Variants in KLHL34 observed in about 807,000 individuals in gnomAD.
KLHL34 encodes kelch-like protein 34.
KLHL34 carries 24 observed loss-of-function variants against 23.8 expected under a neutral mutation model. That is an observed-to-expected ratio of 1.01 (90% CI 0.73 to 1.42). KLHL34 has a LOEUF of 1.42. Among genes scored for constraint, KLHL34 ranks in the 40% most tolerant of loss-of-function variants. KLHL34 has a pLI of 0.00. For synonymous variants in KLHL34, 303 were observed against 287.9 expected (o/e 1.05, Z -0.53); for missense variants, 652 against 595.1 (o/e 1.10, Z -0.99).
At position 21,656,711 on chromosome X, in the gene KLHL34, T is replaced by A. The variant is rs2092733530; in HGVS notation, c.1078A>T (p.Ser360Cys). 1.7e-6 allele frequency: 2 copies of A among 1,206,879 alleles called. No individual in the cohort carries two copies. Among genetic ancestry groups the A allele is most frequent in the African/African-American group, 3.5e-5 (2 of 57,499 alleles). The change falls in exon 1 of 1, where the codon AGC (serine) becomes TGC (cysteine). Residue 360 changes from serine (S) to cysteine (C), a missense_variant. Ser to Cys is a moderately radical substitution (Grantham distance 112). Transcript: ENST00000379499. ...AGGAAGTTGCCCGCGGTGCACACGCTGTGCCCCAGCAGTGGTGTGGGTAGC... is the reference window on the plus strand; with the variant it reads ...AGGAAGTTGCCCGCGGTGCACACGCAGTGCCCCAGCAGTGGTGTGGGTAGC... ...TQLPTPLLGH[S>C]VCTAGNFLFV...
At position 21,656,030 on chromosome X, in the gene KLHL34, C is replaced by A; in HGVS notation, c.1759G>T (p.Val587Leu). 8.3e-7 allele frequency: 1 copy of A among 1,202,357 alleles called. No homozygotes were observed. The highest frequency in any genetic ancestry group is 1.1e-6 in the Non-Finnish European group (1 of 890,129). The change falls in exon 1 of 1, where the codon GTG (valine) becomes TTG (leucine). Residue 587 changes from valine to leucine, a missense_variant. Transcript: ENST00000379499. Reference sequence around the variant, plus strand: ...TAGCCCACTACGTTGCGGGTAGGCACCTGGCGCGAGTCCCGCCACTTGAGG... The same window carrying A: ...TAGCCCACTACGTTGCGGGTAGGCAACTGGCGCGAGTCCCGCCACTTGAGG... ...GGLKWRDSRQ[V>L]PTRNVVGYDL...
Position 21,655,597 on chromosome X carries a change from C to G in KLHL34, c.*257G>C, listed in dbSNP as rs1045704637. 9.6e-6 allele frequency: 3 copies of G among 311,223 alleles called. No homozygotes were observed. The highest frequency in any genetic ancestry group is 1.2e-4 in the Admixed American group (2 of 17,174). 25.6% of individuals were successfully genotyped at this position (311,223 alleles called of 1,213,427 possible). A position where few individuals can be genotyped will look rare whatever the true frequency, so the allele number is the denominator to read the frequency against. ...AAGTCCTTCTCTAGCCTTGCGTGAG[C>G]CTTTCTAAAAATTTTCTTTCACCAG... On this transcript the variant is annotated 3_prime_UTR_variant, in exon 1 of 1. Transcript: ENST00000379499.
In KLHL34 at chrX:21,656,191, C is replaced by T. The variant is rs780891644; in HGVS notation, c.1598G>A (p.Gly533Glu). The part of the protein sequence containing the change: ...VLRGAVFAFL[G>E]RYEPFSEIER... Reference sequence around the variant, plus strand: ...GATCTCAGAGAAGGGCTCGTATCGCCCCAGAAAAGCAAACACAGCGCCGCG... The same window carrying T: ...GATCTCAGAGAAGGGCTCGTATCGCTCCAGAAAAGCAAACACAGCGCCGCG... The change falls in exon 1 of 1, where the codon GGG becomes GAG. Residue 533 changes from glycine (G) to glutamate (E), a missense_variant. By Grantham distance (98) the Gly-to-Glu change is moderately conservative. Coordinates refer to ENST00000379499, the MANE Select transcript of KLHL34 (RefSeq NM_153270.3). 4.2e-6 allele frequency: 5 copies of T among 1,177,403 alleles called. No individual in the cohort carries two copies. The South Asian group carries it at 9.6e-5, about 23-fold the overall frequency.
chrX:21,657,268 A>C lies in KLHL34; in HGVS notation c.521T>G (p.Leu174Arg). The part of the protein sequence containing the change: ...RGAGPAGLLE[L>R]NPTSLRAVLG... ...TACAGCCCTCAGCGATGTAGGGTTG[A>C]GCTCCAGGAGTCCCGCGGGGCCCGC... The change falls in exon 1 of 1, where the codon CTC becomes CGC. Residue 174 changes from leucine to arginine, a missense_variant. Physicochemically the swap from Leu to Arg is moderately radical, Grantham distance 102 (BLOSUM62 -2). Transcript: ENST00000379499. 3 of 1,163,671 alleles carry C rather than the reference A, an allele frequency of 2.6e-6. No homozygotes were observed. Among genetic ancestry groups the C allele is most frequent in the Non-Finnish European group, 3.4e-6 (3 of 874,176 alleles).
chrX:21,657,679 C>A lies in KLHL34; in HGVS notation c.110G>T (p.Gly37Val), dbSNP rs1050310700. Residue 37 changes from glycine (G) to valine (V), a missense_variant, in exon 1 of 1, where the codon GGC becomes GTC. Gly to Val is a moderately radical substitution (Grantham distance 109). Coordinates refer to ENST00000379499, the MANE Select transcript of KLHL34 (RefSeq NM_153270.3). ...CGACCTGTGCGCCGGGAATTCGCTG[C>A]CCTCGGTCTCCAGTGTCACGTCGCA... ...FLCDVTLETE[G>V]SEFPAHRSLL... 3 of 1,204,275 alleles carry A rather than the reference C, an allele frequency of 2.5e-6. No individual in the cohort carries two copies. Among genetic ancestry groups the A allele is most frequent in the African/African-American group, 3.5e-5 (2 of 57,430 alleles).
chrX:21,656,525 C>G lies in KLHL34; in HGVS notation c.1264G>C (p.Ala422Pro), dbSNP rs970987750. 8.3e-7 allele frequency: 1 copy of G among 1,198,045 alleles called. No individual in the cohort carries two copies. The highest frequency in any genetic ancestry group is 1.7e-5 in the African/African-American group (1 of 57,642). The stretch of plus-strand genomic sequence containing the variant: ...ACGGCCAGGAGCCTCTCGCCCACCG[C>G]GCCGCACCAGAAGTGGGCCCGCGCT... ...REARAHFWCG[A>P]VGERLLAVGG... Residue 422 changes from alanine to proline, a missense_variant, in exon 1 of 1, where the codon GCG becomes CCG. Transcript: ENST00000379499.
Position 21,655,882 on chromosome X carries a change from C to A in KLHL34, c.1907G>T (p.Gly636Val). The change falls in exon 1 of 1, where the codon GGA becomes GTA. Residue 636 changes from glycine (G) to valine (V), a missense_variant. Transcript: ENST00000379499. Reference sequence around the variant, plus strand: ...GCCCAGCACCAAATCTAGCGCCTCTCCAACCTCTCCCTCCCTCTCGTCGTC... The same window carrying A: ...GCCCAGCACCAAATCTAGCGCCTCTACAACCTCTCCCTCCCTCTCGTCGTC... ...GGDDEREGEV[G>V]EALDLVLG The A allele has an allele frequency of 8.4e-7, 1 of 1,197,520 alleles. No homozygotes were observed.
rs771187308 is a variant in KLHL34, at chrX:21,656,655, G to A, written c.1134C>T (p.Gly378=). ...LFVLGGESPS[G]SASSPLADDS... is the part of the protein sequence containing the mutation. Reference sequence around the variant, plus strand: ...CGTCGGCCAGGGGAGAGGATGCACTGCCGGAAGGGCTCTCCCCACCCAGGA... The same window carrying A: ...CGTCGGCCAGGGGAGAGGATGCACTACCGGAAGGGCTCTCCCCACCCAGGA... The change falls in exon 1 of 1, where the codon GGC becomes GGT. Residue 378 remains glycine (G), a synonymous_variant. Coordinates refer to ENST00000379499, the MANE Select transcript of KLHL34 (RefSeq NM_153270.3). 1.4e-5 allele frequency: 17 copies of A among 1,209,842 alleles called. No individual in the cohort carries two copies. Among genetic ancestry groups the A allele is most frequent in the Non-Finnish European group, 1.8e-5 (16 of 895,128 alleles).
rs949360151 is a variant in KLHL34, at chrX:21,655,553, G to T, written c.*301C>A. ...ACTTTAACTGTAAGAGGGAAAATAA[G>T]GTCATATTTTATTTGTGAAAGTCCT... On this transcript the variant is annotated 3_prime_UTR_variant, in exon 1 of 1. Coordinates refer to ENST00000379499, the MANE Select transcript of KLHL34 (RefSeq NM_153270.3). The T allele has an allele frequency of 2.7e-5, 5 of 181,991 alleles. No homozygotes were observed. The highest frequency in any genetic ancestry group is 2.4e-4 in the Admixed American group (3 of 12,256). The allele number at this position is 181,991 out of a possible 1,213,427, so 15.0% of individuals were successfully genotyped here.
In KLHL34 at chrX:21,656,804, C is replaced by G. The variant is rs777040875; in HGVS notation, c.985G>C (p.Glu329Gln). ...ACCACGTTCTGGGTGAGCTCCCACTCCTCCTCCTCCTCCTCTTCCTCCAAC... is the reference window on the plus strand; with the variant it reads ...ACCACGTTCTGGGTGAGCTCCCACTGCTCCTCCTCCTCCTCTTCCTCCAAC... ...EELEEEEEEE[E>Q]WELTQNVVAF... The change falls in exon 1 of 1, where the codon GAG becomes CAG. Residue 329 changes from glutamate (E) to glutamine (Q), a missense_variant. By Grantham distance (29) the Glu-to-Gln change is conservative. Coordinates refer to ENST00000379499, the MANE Select transcript of KLHL34 (RefSeq NM_153270.3). The G allele has an allele frequency of 1.8e-6, 2 of 1,086,132 alleles. No homozygotes were observed. The highest frequency in any genetic ancestry group is 2.3e-5 in the South Asian group (1 of 43,975). The allele number at this position is 1,086,132 out of a possible 1,213,427, so 89.5% of individuals were successfully genotyped here. A position where few individuals can be genotyped will look rare whatever the true frequency, so the allele number is the denominator to read the frequency against.
In KLHL34 at chrX:21,656,506, A is replaced by G; in HGVS notation, c.1283T>C (p.Leu428Pro). 1.7e-6 allele frequency: 2 copies of G among 1,197,811 alleles called. No individual in the cohort carries two copies. Among genetic ancestry groups the G allele is most frequent in the Non-Finnish European group, 2.2e-6 (2 of 889,432 alleles). ...FWCGAVGERLLAVGGLGAGGE... is the reference protein window; with the variant it reads ...FWCGAVGERLPAVGGLGAGGE... ...GCCCGCACCCAGGCCCCCGACGGCC[A>G]GGAGCCTCTCGCCCACCGCGCCGCA... Residue 428 changes from leucine (L) to proline (P), a missense_variant, in exon 1 of 1, where the codon CTG becomes CCG. By Grantham distance (98) the Leu-to-Pro change is moderately conservative (BLOSUM62 -3). Transcript: ENST00000379499.
Position 21,655,933 on chromosome X carries a change from GC to G in KLHL34, c.1855del (p.Ala619GlnfsTer21). 1 of 1,210,777 alleles carries G rather than the reference GC, an allele frequency of 8.3e-7. No individual in the cohort carries two copies. Among genetic ancestry groups the G allele is most frequent in the Non-Finnish European group, 1.1e-6 (1 of 895,096 alleles). ...CCCACCCTCGGCCAGCTGCAGCACT[GC>G]GCACCGCAGGCCGCTCCAGGCCCAG... is the stretch of plus-strand genomic sequence containing the variant. Reference protein sequence around the residue: ...LPWAWSGLRCAVLQLAEGGDD... With the variant: ...LPWAWSGLRCXVLQLAEGGDD... On this transcript the variant is annotated frameshift_variant, in exon 1 of 1. Coordinates refer to ENST00000379499, the MANE Select transcript of KLHL34 (RefSeq NM_153270.3). LOFTEE classifies it low-confidence loss of function (END_TRUNC).
Position 21,658,036 on chromosome X carries a change from A to G in KLHL34, c.-248T>C. ...AGGCCCCTAGTAACGGAGGGCGCGG[A>G]ATTTGGAGGCTTCCCGGGAGTGTGG... is the stretch of plus-strand genomic sequence containing the variant. On this transcript the variant is annotated 5_prime_UTR_variant, in exon 1 of 1. Coordinates refer to ENST00000379499, the MANE Select transcript of KLHL34 (RefSeq NM_153270.3). 1 of 348,963 alleles carries G rather than the reference A, an allele frequency of 2.9e-6. No homozygotes were observed. Among genetic ancestry groups the G allele is most frequent in the Non-Finnish European group, 5.0e-6 (1 of 200,697 alleles). 28.8% of individuals were successfully genotyped at this position (348,963 alleles called of 1,213,427 possible). A position where few individuals can be genotyped will look rare whatever the true frequency, so the allele number is the denominator to read the frequency against.
chrX:21,655,735 C>G lies in KLHL34; in HGVS notation c.*119G>C. The G allele has an allele frequency of 9.5e-7, 1 of 1,051,637 alleles. No homozygotes were observed. Among genetic ancestry groups the G allele is most frequent in the African/African-American group, 1.9e-5 (1 of 52,587 alleles). The allele number at this position is 1,051,637 out of a possible 1,213,427, so 86.7% of individuals were successfully genotyped here. On this transcript the variant is annotated 3_prime_UTR_variant, in exon 1 of 1. Coordinates refer to ENST00000379499, the MANE Select transcript of KLHL34 (RefSeq NM_153270.3). ...GCTCAAGGCCTTGTTTGCCTGTTAA[C>G]CTTCAGAAGCCACTCTGCTCCCAGA...
In KLHL34 at chrX:21,655,927, A is replaced by G. The variant is rs917780067; in HGVS notation, c.1862T>C (p.Leu621Pro). Residue 621 changes from leucine to proline, a missense_variant, in exon 1 of 1, where the codon CTG becomes CCG. Leu to Pro is a moderately conservative substitution (Grantham distance 98). Coordinates refer to ENST00000379499, the MANE Select transcript of KLHL34 (RefSeq NM_153270.3). ...GTCGTCCCCACCCTCGGCCAGCTGCAGCACTGCGCACCGCAGGCCGCTCCA... is the reference window on the plus strand; with the variant it reads ...GTCGTCCCCACCCTCGGCCAGCTGCGGCACTGCGCACCGCAGGCCGCTCCA... Reference protein sequence around the residue: ...WAWSGLRCAVLQLAEGGDDER... With the variant: ...WAWSGLRCAVPQLAEGGDDER... 4.1e-6 allele frequency: 5 copies of G among 1,209,101 alleles called. No individual in the cohort carries two copies. In the African/African-American group the frequency reaches 5.2e-5, roughly 13 times the overall value.
In KLHL34 at chrX:21,658,203, C is replaced by A. The variant is rs2092736232; in HGVS notation, c.-415G>T. 1 of 137,963 alleles carries A rather than the reference C, an allele frequency of 7.2e-6. No homozygotes were observed. 11.4% of individuals were successfully genotyped at this position (137,963 alleles called of 1,213,427 possible). A position where few individuals can be genotyped will look rare whatever the true frequency, so the allele number is the denominator to read the frequency against. On this transcript the variant is annotated 5_prime_UTR_variant, in exon 1 of 1. Coordinates refer to ENST00000379499, the MANE Select transcript of KLHL34 (RefSeq NM_153270.3). ...CTGGAAGAACCGAGTTGCCGGTGGA[C>A]TCCGGGGGTGCTGGATGTCCGACGG...
At position 21,655,252 on chromosome X, in the gene KLHL34, G is replaced by T. The variant is rs1204325307; in HGVS notation, c.*602C>A. The T allele has an allele frequency of 2.7e-5, 3 of 109,513 alleles. No individual in the cohort carries two copies. Among genetic ancestry groups the T allele is most frequent in the Non-Finnish European group, 5.7e-5 (3 of 52,646 alleles). The allele number at this position is 109,513 out of a possible 1,213,427, so 9.0% of individuals were successfully genotyped here. A position where few individuals can be genotyped will look rare whatever the true frequency, so the allele number is the denominator to read the frequency against. ...TTAGAGATTTTTTTTTTCCTTCTCA[G>T]TTCCATATTTATATCAAACCATCAG... On this transcript the variant is annotated 3_prime_UTR_variant, in exon 1 of 1. Coordinates refer to ENST00000379499, the MANE Select transcript of KLHL34 (RefSeq NM_153270.3).
In KLHL34 at chrX:21,657,339, G is replaced by A. The variant is rs756199541; in HGVS notation, c.450C>T (p.Ala150=). The change falls in exon 1 of 1, where the codon GCC becomes GCT. Residue 150 remains alanine, a synonymous_variant. Coordinates refer to ENST00000379499, the MANE Select transcript of KLHL34 (RefSeq NM_153270.3). ...GCAAGTGGCTCACGATGCAGCGCTCGGCCGCGTCCAGCGTGTGAGCCAGGC... is the reference window on the plus strand; with the variant it reads ...GCAAGTGGCTCACGATGCAGCGCTCAGCCGCGTCCAGCGTGTGAGCCAGGC... ...RFGLAHTLDA[A]ERCIVSHLQE... 3 of 1,158,452 alleles carry A rather than the reference G, an allele frequency of 2.6e-6. No homozygotes were observed. Among genetic ancestry groups the A allele is most frequent in the Non-Finnish European group, 2.3e-6 (2 of 870,180 alleles).
In KLHL34 at chrX:21,656,599, C is replaced by G. The variant is rs764376055; in HGVS notation, c.1190G>C (p.Arg397Pro). Residue 397 changes from arginine (R) to proline (P), a missense_variant, in exon 1 of 1, where the codon CGT (arginine) becomes CCT (proline). By Grantham distance (103) the Arg-to-Pro change is moderately radical. Transcript: ENST00000379499. Reference sequence around the variant, plus strand: ...CCAAGCGTGGAAGCGCGGGTCGTAACGGTGCACTTGGGCCGTGACCACCCG... The same window carrying G: ...CCAAGCGTGGAAGCGCGGGTCGTAAGGGTGCACTTGGGCCGTGACCACCCG... ...DSRVVTAQVHRYDPRFHAWTE... is the reference protein window; with the variant it reads ...DSRVVTAQVHPYDPRFHAWTE... 1 of 1,208,598 alleles carries G rather than the reference C, an allele frequency of 8.3e-7. No homozygotes were observed. Among genetic ancestry groups the G allele is most frequent in the East Asian group, 3.0e-5 (1 of 33,720 alleles).
Sources: allele counts gnomAD v4.1 joint callset, GRCh38; gene constraint gnomAD v4.1.1; transcripts MANE v1.5; gene names NCBI Gene and HGNC (gene_info 2026-07-23, HGNC 2026-07-21).